The following TMPRSS15 variants were observed in gnomAD, a reference collection of about 807,000 sequenced individuals.
TMPRSS15 encodes transmembrane serine protease 15, also known as enteropeptidase.
Under a neutral mutation model 125.3 loss-of-function variants are expected in TMPRSS15, and 128 were observed. The observed-to-expected ratio is 1.02, with a 90% CI of 0.89 to 1.18. The LOEUF is 1.18. TMPRSS15 is among the 50% of genes most tolerant of loss of function. The pLI is 0.00. For synonymous variants in TMPRSS15, 446 were observed against 423.2 expected (o/e 1.05, Z -0.66); for missense variants, 1,283 against 1,212.7 (o/e 1.06, Z -0.86).
At chr21:18,317,799 C>CATCCT (rs2075184442) in intron 16 of TMPRSS15, among the ~76,000 whole-genome samples, 3 of 113,448 alleles carry the variant, frequency 2.6e-5, no homozygotes, top group Non-Finnish European at 5.9e-5. Context: ...CATCCCATCC[C>CATCCT]ATCCCATCCC....
intron 3 of TMPRSS15, among the ~76,000 whole-genome samples, chr21:18,388,173 T>C (rs1214116779): frequency 6.6e-6 from 1 of 152,138 alleles, no homozygotes; most frequent in East Asian, 1.9e-4. Context: ...TCTGATTTAA[T>C]GGCAGCTCAG....
rs542006000 is a variant in TMPRSS15 at position 18,351,804 on chromosome 21, A to C, written c.1171+1099T>G. 2.0e-5 allele frequency among the ~76,000 whole-genome samples: 3 copies of C among 152,316 alleles called. No individual in the cohort carries two copies. In the South Asian group the frequency reaches 6.2e-4, roughly 32 times the overall value. ...CTGAAAAGAATACTGTGGTAAAAAG[A>C]AACAAATAAGTGAGTAAATATAATG... On this transcript the variant is annotated intron_variant, in intron 10 of 24. Transcript: ENST00000284885.
At chr21:18,475,459 T>C (rs1978861641) in intron 1 of TMPRSS15, among the ~76,000 whole-genome samples, 2 of 151,886 alleles carry the variant, frequency 1.3e-5, no homozygotes, top group African/African-American at 4.8e-5. Flanking sequence ...AGGTGTGGTG[T>C]CGCGGGCCTG....
chr21:18,462,506 G>T (rs2122953252), intron 1 of TMPRSS15, among the ~76,000 whole-genome samples: 2 of 151,624 alleles, frequency 1.3e-5, no homozygotes, highest in Non-Finnish European at 2.9e-5. Context: ...GTTTGTAAAT[G>T]GCCATATATA....
intron 21 of TMPRSS15, among the ~76,000 whole-genome samples, chr21:18,284,355 C>T (rs1182479552): frequency 6.6e-6 from 1 of 152,180 alleles, no homozygotes; most frequent in East Asian, 1.9e-4. Flanking sequence ...AGTTCTAGAG[C>T]CACTTGAGGA....
intron 18 of TMPRSS15, among the ~76,000 whole-genome samples, chr21:18,310,087 C>G (rs2146930810): frequency 6.6e-6 from 1 of 152,184 alleles, no homozygotes; most frequent in Admixed American, 6.5e-5. Flanking sequence ...TTACATATGA[C>G]AAAGCCATAG....
intron 1 of TMPRSS15, among the ~76,000 whole-genome samples, chr21:18,454,416 T>C (rs1057153717): frequency 1.3e-5 from 2 of 152,080 alleles, no homozygotes; most frequent in East Asian, 1.9e-4. Context: ...CAATAGGATA[T>C]ATATAGAGAT....
chr21:18,300,278 T>TTC (rs959781768), intron 18 of TMPRSS15, among the ~76,000 whole-genome samples: 1 of 147,734 alleles, frequency 6.8e-6, no homozygotes, highest in African/African-American at 2.4e-5. Flanking sequence ...TCTCTCTTCT[T>TTC]TCTCTCTCTC....
chr21:18,384,038 G>A (rs781280541), intron 3 of TMPRSS15, among the ~76,000 whole-genome samples: 36 of 152,126 alleles, frequency 2.4e-4, no homozygotes, highest in African/African-American at 6.5e-4. Flanking sequence ...TGAGTTCCAC[G>A]TTCAAGTACT....
At chr21:18,445,940 A>G (rs768987963) in intron 1 of TMPRSS15, among the ~76,000 whole-genome samples, 1 of 152,226 alleles carries the variant, frequency 6.6e-6, no homozygotes, top group Non-Finnish European at 1.5e-5. Flanking sequence ...TCAAAATAAT[A>G]CTGGAATTAC....
chr21:18,325,766 G>A (rs1569009509), intron 16 of TMPRSS15, among the ~76,000 whole-genome samples: 1 of 151,766 alleles, frequency 6.6e-6, no homozygotes, highest in Non-Finnish European at 1.5e-5. Context: ...TCTGCAGATT[G>A]TTGAATGCAA....
intron 10 of TMPRSS15, among the ~76,000 whole-genome samples, chr21:18,345,583 T>C (rs1431309274): frequency 6.8e-6 from 1 of 146,078 alleles, no homozygotes; most frequent in South Asian, 2.3e-4. Context: ...CTACAAAAAA[T>C]ACAAAAAATT....
rs532740863 is a variant in TMPRSS15, at chr21:18,438,260, G to C, written c.11-39931C>G. 4.0e-3 allele frequency among the ~76,000 whole-genome samples: 572 copies of C among 143,584 alleles called. 6 individuals carry two copies. The highest frequency in any genetic ancestry group is 0.014 in the African/African-American group (531 of 38,612). 94.2% of individuals were successfully genotyped at this position (143,584 alleles called of 152,430 possible). A position where few individuals can be genotyped will look rare whatever the true frequency, so the allele number is the denominator to read the frequency against. On this transcript the variant is annotated intron_variant, in intron 1 of 7. Transcript: ENST00000422787. ...CAAACACCGCATATTCTCACTCATAGATGGGAACTGAACAATGAGAACACA... is the reference window on the plus strand; with the variant it reads ...CAAACACCGCATATTCTCACTCATACATGGGAACTGAACAATGAGAACACA...
chr21:18,302,881 C>A (rs2074988428), intron 18 of TMPRSS15, among the ~76,000 whole-genome samples: 1 of 152,150 alleles, frequency 6.6e-6, no homozygotes, highest in African/African-American at 2.4e-5. Context: ...ACATTATTTC[C>A]TTAGCTGCTG....
intron 1 of TMPRSS15, among the ~76,000 whole-genome samples, chr21:18,402,404 C>T (rs1474065214): frequency 2.0e-5 from 3 of 151,798 alleles, no homozygotes; most frequent in African/African-American, 7.3e-5. Flanking sequence ...TGGCGCGCAC[C>T]TGTAGTCCCA....
rs188487628 is a variant in TMPRSS15 at position 18,459,228 on chromosome 21, C to A, written c.10+26571G>T. On this transcript the variant is annotated intron_variant, in intron 1 of 7. Transcript: ENST00000422787. ...TTATCTTATAAGGGTGCATCCATTT[C>A]TGAACTCTTTAATCTGTTCCAGTTA... Among the ~76,000 whole-genome samples the A allele has an allele frequency of 1.8e-3, 272 of 151,646 alleles. 1 individual carries two copies. Among genetic ancestry groups the A allele is most frequent in the Non-Finnish European group, 3.2e-3 (214 of 67,900 alleles).
intron 1 of TMPRSS15, among the ~76,000 whole-genome samples, chr21:18,419,438 G>A (rs552957373): frequency 1.2e-4 from 18 of 152,038 alleles, no homozygotes; most frequent in African/African-American, 4.3e-4. Flanking sequence ...TGTTAGACCG[G>A]ATGGTCTCGA....
Position 18,269,733 on chromosome 21 carries a change from T to C in TMPRSS15, c.*236A>G. The C allele has an allele frequency of 2.2e-6, 1 of 460,064 alleles. No homozygotes were observed. The highest frequency in any genetic ancestry group is 3.9e-6 in the Non-Finnish European group (1 of 256,240). 28.5% of individuals were successfully genotyped at this position (460,064 alleles called of 1,614,324 possible). A position where few individuals can be genotyped will look rare whatever the true frequency, so the allele number is the denominator to read the frequency against. Reference sequence around the variant, plus strand: ...AATGAGATCTGTGAAGAAATACCTGTTCACAATGAAATACAAATGTATTTA... The same window carrying C: ...AATGAGATCTGTGAAGAAATACCTGCTCACAATGAAATACAAATGTATTTA... On this transcript the variant is annotated 3_prime_UTR_variant, in exon 25 of 25. Coordinates refer to ENST00000284885, the MANE Select transcript of TMPRSS15 (RefSeq NM_002772.3).
At chr21:18,344,138 G>C in intron 10 of TMPRSS15, 78 bp from the exon 11 acceptor site, 2 of 1,234,050 alleles carry the variant, frequency 1.6e-6, no homozygotes, top group South Asian at 1.2e-5. Context: ...TTGTAAGCAG[G>C]AAAGAAAAAC....
Sources: allele counts gnomAD v4.1 joint callset (sites outside exome capture counted in the v4.1 genomes callset), GRCh38; gene constraint gnomAD v4.1.1; transcripts MANE v1.5; gene names NCBI Gene and HGNC (gene_info 2026-07-23, HGNC 2026-07-21).